CDH18: variants seen among roughly 807,000 people sequenced by gnomAD.
The protein encoded by CDH18 is cadherin 18.
CDH18 carries 31 observed loss-of-function variants against 67.9 expected under a neutral mutation model. The observed-to-expected ratio is 0.46, with a 90% CI of 0.34 to 0.62. The LOEUF (loss-of-function observed/expected upper bound fraction) is 0.62. Among genes scored for constraint, CDH18 ranks in the 20% least tolerant of loss-of-function variants. The pLI is 0.01. For missense variants in CDH18, 890 were observed against 975.5 expected (o/e 0.91, Z 1.17); for synonymous variants, 362 against 347.2 (o/e 1.04, Z -0.48).
At chr5:20,266,608 T>TTTGGG (rs1745061858) in intron 1 of CDH18, among the ~76,000 whole-genome samples, 1 of 145,424 alleles carries the variant, frequency 6.9e-6, no homozygotes, top group African/African-American at 2.6e-5. Flanking sequence ...TTTGTATTTT[T>TTTGGG]AGTAGAGACG....
At chr5:19,863,792 A>T in intron 2 of CDH18, among the ~76,000 whole-genome samples, 1 of 152,284 alleles carries the variant, frequency 6.6e-6, no homozygotes, top group Non-Finnish European at 1.5e-5. Context: ...CAAGAACAAC[A>T]TAGGGAGGCT....
chr5:20,288,979 A>G (rs1239330915), intron 1 of CDH18, among the ~76,000 whole-genome samples: 1 of 151,838 alleles, frequency 6.6e-6, no homozygotes, highest in African/African-American at 2.4e-5. Flanking sequence ...TTGTGATGTT[A>G]TTTTTAGCAA....
intron 11 of CDH18, among the ~76,000 whole-genome samples, chr5:19,487,080 C>A (rs1420049075): frequency 6.6e-6 from 1 of 151,880 alleles, no homozygotes; most frequent in East Asian, 1.9e-4. Context: ...TTTTGTATAG[C>A]CAGAACAAAG....
intron 2 of CDH18, among the ~76,000 whole-genome samples, chr5:20,245,869 T>A (rs762359359): frequency 1.3e-5 from 2 of 152,114 alleles, no homozygotes; most frequent in Non-Finnish European, 2.9e-5. Context: ...GAGTAATATA[T>A]ACCTAATGTA....
chr5:19,645,376 G>C (rs1046399154), intron 5 of CDH18, among the ~76,000 whole-genome samples: 2 of 152,168 alleles, frequency 1.3e-5, no homozygotes, highest in Non-Finnish European at 2.9e-5. Context: ...GGAACTAGTG[G>C]AGTCCAAGAA....
chr5:20,439,401 T>C (rs567225734), intron 1 of CDH18, among the ~76,000 whole-genome samples: 2 of 151,568 alleles, frequency 1.3e-5, no homozygotes, highest in South Asian at 4.1e-4. Flanking sequence ...GAAATGAGAG[T>C]TTTCAGACTT....
At chr5:20,481,495 C>T (rs1026646620) in intron 1 of CDH18, among the ~76,000 whole-genome samples, 7 of 151,980 alleles carry the variant, frequency 4.6e-5, no homozygotes, top group African/African-American at 1.7e-4. Context: ...AAATGTCGTT[C>T]GACAGCAACA....
chr5:19,964,390 G>A (rs1425968000), intron 2 of CDH18, among the ~76,000 whole-genome samples: 1 of 150,998 alleles, frequency 6.6e-6, no homozygotes, highest in Non-Finnish European at 1.5e-5. Context: ...AGACTAGCCT[G>A]GGCAACATAG....
intron 1 of CDH18, among the ~76,000 whole-genome samples, chr5:20,567,161 TAAAG>T (rs2126662545): frequency 6.6e-6 from 1 of 152,132 alleles, no homozygotes; most frequent in Admixed American, 6.5e-5. Flanking sequence ...AGATTGAAAA[TAAAG>T]AAGGAAACAG....
intron 5 of CDH18, among the ~76,000 whole-genome samples, chr5:19,688,152 A>G (rs776468737): frequency 3.9e-5 from 6 of 152,094 alleles, no homozygotes; most frequent in Non-Finnish European, 8.8e-5. Flanking sequence ...TGCCATACAC[A>G]CTACCCAAAA....
intron 1 of CDH18, among the ~76,000 whole-genome samples, chr5:20,529,373 A>C (rs62352728): frequency 0.18 from 27,023 of 151,538 alleles, 2,930 homozygotes; most frequent in East Asian, 0.39. Context: ...AGAATCGAAA[A>C]GGGGAACTCC....
intron 1 of CDH18, among the ~76,000 whole-genome samples, chr5:20,412,108 G>C (rs1303845304): frequency 6.6e-6 from 1 of 152,016 alleles, no homozygotes. Context: ...AAAGCTGGAG[G>C]CATCACATTA....
chr5:20,457,908 T>G (rs968682492), intron 1 of CDH18, among the ~76,000 whole-genome samples: 1 of 152,044 alleles, frequency 6.6e-6, no homozygotes, highest in African/African-American at 2.4e-5. Context: ...AAAAGGAATA[T>G]TTGGATACTG....
chr5:19,895,201 C>G (rs1789177639), intron 2 of CDH18, among the ~76,000 whole-genome samples: 1 of 152,088 alleles, frequency 6.6e-6, no homozygotes, highest in Non-Finnish European at 1.5e-5. Flanking sequence ...AACTGAGATT[C>G]TCCCTGAGAA....
intron 11 of CDH18, among the ~76,000 whole-genome samples, chr5:19,484,623 T>C (rs1265528699): frequency 6.6e-6 from 1 of 152,178 alleles, no homozygotes; most frequent in South Asian, 2.1e-4. Flanking sequence ...AACTAACGAC[T>C]CACTGCTGAA....
intron 2 of CDH18, among the ~76,000 whole-genome samples, chr5:19,970,805 A>G (rs559879310): frequency 2.0e-5 from 3 of 149,496 alleles, no homozygotes; most frequent in South Asian, 2.1e-4. Context: ...AAATATATAT[A>G]AGTGTTTAAA....
intron 1 of CDH18, among the ~76,000 whole-genome samples, chr5:20,299,916 T>A (rs1747832661): frequency 6.6e-6 from 1 of 152,160 alleles, no homozygotes; most frequent in Admixed American, 6.5e-5. Context: ...GGTTAAGGTA[T>A]CTTTATGTAG....
chr5:19,473,961 A>G (rs1169001928), intron 12 of CDH18, among the ~76,000 whole-genome samples: 5 of 152,132 alleles, frequency 3.3e-5, no homozygotes. Flanking sequence ...ATAGAAAACC[A>G]CAATACTCTC....
chr5:19,742,550 G>A (rs756719667), intron 4 of CDH18, among the ~76,000 whole-genome samples: 9 of 152,116 alleles, frequency 5.9e-5, no homozygotes, highest in East Asian at 1.9e-4. Flanking sequence ...CACTGAGGAC[G>A]TCTTCTCTCA....
Sources: gnomAD v4.1 joint callset for allele counts (sites outside exome capture counted in the v4.1 genomes callset) on GRCh38, gnomAD v4.1.1 for gene constraint, MANE v1.5 for transcripts, NCBI Gene and HGNC (gene_info 2026-07-23, HGNC 2026-07-21) for gene names.